POLH: variants seen among roughly 807,000 people sequenced by gnomAD.
POLH encodes the protein DNA polymerase eta transcript.
A neutral mutation model predicts 73.6 loss-of-function variants in POLH; 53 were observed. That is an observed-to-expected ratio of 0.72 (90% CI 0.58 to 0.91). The LOEUF (loss-of-function observed/expected upper bound fraction) is 0.91. Ranked by LOEUF, POLH falls within the 40% of genes least tolerant of loss-of-function variation. POLH has a pLI of 0.00. For synonymous variants in POLH, 292 were observed against 308.5 expected, an observed-to-expected ratio of 0.95 and a Z score of 0.56; for missense variants, 768 against 865.4, an observed-to-expected ratio of 0.89 and a Z score of 1.41.
At chr6:43,602,053 C>T (rs1041618092) in intron 6 of POLH, among the ~76,000 whole-genome samples, 2 of 152,052 alleles carry the variant, frequency 1.3e-5, no homozygotes, top group South Asian at 2.1e-4. Context: ...AGCAAGACTC[C>T]GTCTTAAAAA....
At chr6:43,607,677 T>TA (rs1273532477) in intron 9 of POLH, among the ~76,000 whole-genome samples, 6 of 152,204 alleles carry the variant, frequency 3.9e-5, no homozygotes. Context: ...TTCACATCCT[T>TA]ACCATCAATG....
At chr6:43,604,093 C>T (rs1334876907) in intron 7 of POLH, 82 bp downstream of exon 7, 18 of 1,128,554 alleles carry the variant, frequency 1.6e-5, no homozygotes, top group Non-Finnish European at 2.3e-5. Context: ...TAGTAAAATC[C>T]AGACCTATCT....
At chr6:43,597,104 A>G (rs1040463500) in intron 4 of POLH, among the ~76,000 whole-genome samples, 5 of 152,102 alleles carry the variant, frequency 3.3e-5, no homozygotes, top group African/African-American at 1.2e-4. Context: ...AAATGTGTTT[A>G]CATTATTTTT....
intron 3 of POLH, among the ~76,000 whole-genome samples, chr6:43,586,833 C>G (rs1764875229): frequency 1.3e-5 from 2 of 152,120 alleles, no homozygotes; most frequent in Non-Finnish European, 2.9e-5. Context: ...ACCATATACT[C>G]TGGTTCACTG....
intron 9 of POLH, 148 bp downstream of exon 9, chr6:43,605,467 T>G: frequency 9.2e-6 from 5 of 545,848 alleles, no homozygotes; most frequent in South Asian, 6.0e-5. Flanking sequence ...TTTTTTTTTT[T>G]GAGACATGGT....
In POLH at chr6:43,614,477, CCTTTGGCCTGCA is replaced by C; in HGVS notation, c.2065_2076del (p.Leu689_Thr692del). The C allele has an allele frequency of 6.2e-7, 1 of 1,614,108 alleles. No homozygotes were observed. Among genetic ancestry groups the C allele is most frequent in the Middle Eastern group, 1.6e-4 (1 of 6,062 alleles). ...TCAAGGCAAAAGAAATCCCAAGAGC[CCTTTGGCCTGCA>C]CTAATAAACGCCCCAGGCCTGAGGG... On this transcript the variant is annotated inframe_deletion, in exon 11 of 11. Coordinates refer to ENST00000372236, the MANE Select transcript of POLH (RefSeq NM_006502.3).
Position 43,597,772 on chromosome 6 carries a change from G to C in POLH, c.567G>C (p.Gln189His), listed in dbSNP as rs1766254363. 2 of 1,613,644 alleles carry C rather than the reference G, an allele frequency of 1.2e-6. No individual in the cohort carries two copies. Among genetic ancestry groups the C allele is most frequent in the Admixed American group, 1.7e-5 (1 of 59,986 alleles). ...ATAACCTCACCTCTCCAGACCTGCA[G>C]CTCACCGTGGGAGCAGTGATTGTGG... is the stretch of plus-strand genomic sequence containing the variant. ...QIDNLTSPDL[Q>H]LTVGAVIVEE... The change falls in exon 5 of 11, where the codon CAG becomes CAC. Residue 189 changes from glutamine to histidine, a missense_variant. By Grantham distance (24) the Gln-to-His change is conservative. Coordinates refer to ENST00000372236, the MANE Select transcript of POLH (RefSeq NM_006502.3).
chr6:43,588,983 G>T (rs1310641561), intron 4 of POLH, among the ~76,000 whole-genome samples: 1 of 151,906 alleles, frequency 6.6e-6, no homozygotes, highest in African/African-American at 2.4e-5. Context: ...GATTACGGGC[G>T]CCCGCCACCG....
chr6:43,587,699 C>A (rs1434572392), intron 4 of POLH, among the ~76,000 whole-genome samples: 1 of 152,174 alleles, frequency 6.6e-6, no homozygotes, highest in East Asian at 1.9e-4. Context: ...AAGTAAATTT[C>A]TCTTTAGATA....
intron 5 of POLH, among the ~76,000 whole-genome samples, chr6:43,600,319 G>A (rs1237288015): frequency 6.6e-6 from 1 of 151,284 alleles, no homozygotes; most frequent in Non-Finnish European, 1.5e-5. Flanking sequence ...TTGGAAGGCT[G>A]AGGCAGGAGA....
At chr6:43,593,657 G>A (rs1010739344) in intron 4 of POLH, among the ~76,000 whole-genome samples, 14 of 152,084 alleles carry the variant, frequency 9.2e-5, no homozygotes, top group African/African-American at 2.4e-4. Context: ...CAGGGTGAGC[G>A]AATCATGACG....
intron 9 of POLH, 120 bp downstream of exon 9, chr6:43,605,439 C>CTT: frequency 2.0e-5 from 7 of 354,360 alleles, no homozygotes; most frequent in Admixed American, 4.4e-5. Context: ...TATCCGTTTT[C>CTT]TTTCTTTTTT....
chr6:43,610,639 T>TGCTG lies in POLH; in HGVS notation c.1160_1161insGCTG (p.Thr388LeufsTer5). On this transcript the variant is annotated frameshift_variant, in exon 10 of 11. Transcript: ENST00000372236. LOFTEE classifies it high-confidence loss of function. ...AGCAGCCTGCGCCGCTGCTGTGCCC[T>TGCTG]TACCCGCTATGATGCTCACAAGATG... 1 of 1,613,820 alleles carries TGCTG rather than the reference T, an allele frequency of 6.2e-7. No individual in the cohort carries two copies. The highest frequency in any genetic ancestry group is 8.5e-7 in the Non-Finnish European group (1 of 1,179,858).
At chr6:43,581,657 C>A (rs1300146832) in intron 1 of POLH, among the ~76,000 whole-genome samples, 2 of 120,840 alleles carry the variant, frequency 1.7e-5, no homozygotes, top group Admixed American at 1.5e-4. Flanking sequence ...GCCCGCTGAA[C>A]TCCATCCTCC....
rs9333554 is a variant in POLH at position 43,614,166 on chromosome 6, T to C, written c.1751T>C (p.Leu584Pro). Residue 584 changes from leucine (L) to proline (P), a missense_variant, in exon 11 of 11, where the codon CTA (leucine) becomes CCA (proline). By Grantham distance (98) the Leu-to-Pro change is moderately conservative. Coordinates refer to ENST00000372236, the MANE Select transcript of POLH (RefSeq NM_006502.3). ...CCTGTTTGTGAAGGGGTGTCGAAGC[T>C]AGAAGAATCCTCTAAAGCAACTCCT... is the stretch of plus-strand genomic sequence containing the variant. ...CVPVCEGVSK[L>P]EESSKATPAE... 3,877 of 1,614,212 alleles carry C rather than the reference T, an allele frequency of 2.4e-3. 86 individuals are homozygous for C. In the African/African-American group the frequency reaches 0.046, roughly 19 times the overall value.
At chr6:43,613,482 C>T (rs1386172436) in intron 10 of POLH, among the ~76,000 whole-genome samples, 178 bp from the exon 11 acceptor site, 3 of 152,090 alleles carry the variant, frequency 2.0e-5, no homozygotes, top group East Asian at 1.9e-4. Flanking sequence ...TACACATTAA[C>T]GTTTGAGAAC....
In POLH at chr6:43,605,091, CAGA is replaced by C. The variant is rs572752800; in HGVS notation, c.1009-160_1009-158del. ...ATGAAAGGCTTGAGCTAGGGCAGGA[CAGA>C]AGGACTGGGAACATTTCTATGATCT... is the stretch of plus-strand genomic sequence containing the variant. On this transcript the variant is annotated intron_variant, in intron 8 of 10. Coordinates refer to ENST00000372236, the MANE Select transcript of POLH (RefSeq NM_006502.3). Among the ~76,000 whole-genome samples the C allele has an allele frequency of 6.6e-4, 100 of 152,170 alleles. 1 individual carries two copies. Among genetic ancestry groups the C allele is most frequent in the African/African-American group, 2.3e-3 (94 of 41,510 alleles).
chr6:43,588,902 A>C (rs541103708), intron 4 of POLH, among the ~76,000 whole-genome samples: 1 of 147,660 alleles, frequency 6.8e-6, no homozygotes, highest in South Asian at 2.1e-4. Flanking sequence ...CAGTGGCGCT[A>C]TCTCGGCTCA....
chr6:43,609,802 C>G (rs141803509), intron 9 of POLH, among the ~76,000 whole-genome samples: 60 of 152,188 alleles, frequency 3.9e-4, no homozygotes, highest in African/African-American at 1.4e-3. Context: ...AAAATAGTAT[C>G]TAGTATTGTA....
Sources: allele counts gnomAD v4.1 joint callset (sites outside exome capture counted in the v4.1 genomes callset), GRCh38; gene constraint gnomAD v4.1.1; transcripts MANE v1.5; gene names NCBI Gene and HGNC (gene_info 2026-07-23, HGNC 2026-07-21).